Variants in SENP6 observed in about 807,000 individuals in gnomAD.
SENP6 encodes SUMO specific peptidase 6.
SENP6 carries 41 observed loss-of-function variants against 134.5 expected under a neutral mutation model. That is an observed-to-expected ratio of 0.30 (90% CI 0.24 to 0.40). SENP6 has a LOEUF of 0.40. SENP6 is among the 10% of genes least tolerant of loss of function. SENP6 has a pLI of 1.00. For synonymous variants in SENP6, 395 were observed against 429.8 expected, an observed-to-expected ratio of 0.92 and a Z score of 1.00; for missense variants, 1,248 against 1,312.5, an observed-to-expected ratio of 0.95 and a Z score of 0.76.
At chr6:75,619,318 A>C (rs1019456575) in intron 1 of SENP6, among the ~76,000 whole-genome samples, 1 of 152,132 alleles carries the variant, frequency 6.6e-6, no homozygotes, top group Non-Finnish European at 1.5e-5. Context: ...ATATATGTGG[A>C]ATCATACAAT....
rs374087556 is a variant in SENP6 at position 75,601,941 on chromosome 6, C to G, written c.-584C>G. 2 of 152,164 alleles carry G rather than the reference C, an allele frequency of 1.3e-5. No individual in the cohort carries two copies. Among genetic ancestry groups the G allele is most frequent in the East Asian group, 3.9e-4 (2 of 5,174 alleles). The allele number at this position is 152,164 out of a possible 1,614,324, so 9.4% of individuals were successfully genotyped here. On this transcript the variant is annotated 5_prime_UTR_variant, in exon 1 of 24. Coordinates refer to ENST00000447266, the MANE Select transcript of SENP6 (RefSeq NM_015571.4). ...GAGGCGGTGGCAGAGGAGACCCACCCCTGTCCACATGGACAGTCGCAAAGG... is the reference window on the plus strand; with the variant it reads ...GAGGCGGTGGCAGAGGAGACCCACCGCTGTCCACATGGACAGTCGCAAAGG...
intron 7 of SENP6, among the ~76,000 whole-genome samples, chr6:75,654,789 G>A (rs1475678224): frequency 6.6e-6 from 1 of 152,138 alleles, no homozygotes; most frequent in Admixed American, 6.5e-5. Flanking sequence ...TCCTTACCCT[G>A]CTTCTCCCAC....
chr6:75,675,596 C>A, intron 12 of SENP6, 128 bp downstream of exon 12: 1 of 675,880 alleles, frequency 1.5e-6, no homozygotes, highest in Non-Finnish European at 2.5e-6. Context: ...ATCTTCTTAT[C>A]AAAGGGCATA....
At position 75,602,591 on chromosome 6, in the gene SENP6, GC is replaced by G. The variant is rs1252017200; in HGVS notation, c.52+18del. ...TTTTCTGGAAGGTACGTCTGTTTCT[GC>G]CCTTGACGGGGAGAAGGGAGGGTAT... On this transcript the variant is annotated intron_variant, in intron 1 of 23. Transcript: ENST00000447266. 1.9e-6 allele frequency: 3 copies of G among 1,550,606 alleles called. No individual in the cohort carries two copies. The highest frequency in any genetic ancestry group is 2.6e-6 in the Non-Finnish European group (3 of 1,146,182).
intron 18 of SENP6, among the ~76,000 whole-genome samples, chr6:75,701,726 G>A (rs1003796856): frequency 2.4e-5 from 3 of 126,108 alleles, no homozygotes; most frequent in South Asian, 2.7e-4. Flanking sequence ...TGCAACCTCC[G>A]CCTCCCGGGT....
chr6:75,605,569 A>G (rs1766967258), intron 1 of SENP6, among the ~76,000 whole-genome samples: 1 of 152,232 alleles, frequency 6.6e-6, no homozygotes, highest in Non-Finnish European at 1.5e-5. Context: ...CACTTAATTA[A>G]GTAAACACCT....
chr6:75,602,441 TC>T lies in SENP6; in HGVS notation c.-82del. The T allele has an allele frequency of 6.7e-7, 1 of 1,486,222 alleles. No homozygotes were observed. The allele number at this position is 1,486,222 out of a possible 1,614,324, so 92.1% of individuals were successfully genotyped here. ...GCCCGCAACCCTGCGGCGTCTACCCTCCTCCGGCGCGGCCCCTCATCCCGGC... is the reference window on the plus strand; with the variant it reads ...GCCCGCAACCCTGCGGCGTCTACCCTCTCCGGCGCGGCCCCTCATCCCGGC... On this transcript the variant is annotated 5_prime_UTR_variant, in exon 1 of 24. Coordinates refer to ENST00000447266, the MANE Select transcript of SENP6 (RefSeq NM_015571.4).
chr6:75,642,788 G>A (rs1247718533), intron 6 of SENP6, among the ~76,000 whole-genome samples: 1 of 152,218 alleles, frequency 6.6e-6, no homozygotes, highest in East Asian at 1.9e-4. Flanking sequence ...GTTTAAATCA[G>A]TGGCAATCAG....
At chr6:75,617,762 G>A (rs1051224464) in intron 1 of SENP6, among the ~76,000 whole-genome samples, 1 of 152,074 alleles carries the variant, frequency 6.6e-6, no homozygotes, top group South Asian at 2.1e-4. Context: ...TTTCATATTC[G>A]AGAGTCCAAT....
In SENP6 at chr6:75,713,572, T is replaced by G. The variant is rs777831729; in HGVS notation, c.2969T>G (p.Ile990Ser). The change falls in exon 22 of 24, where the codon ATT (isoleucine) becomes AGT (serine). Residue 990 changes from isoleucine (I) to serine (S), a missense_variant. This residue lies in a region of SENP6 where 386 missense variants were observed against 395.0 expected (regional missense o/e 0.98). Transcript: ENST00000447266. Reference protein sequence around the residue: ...RGPSRSNVVKILREYLEVEWE... With the variant: ...RGPSRSNVVKSLREYLEVEWE... ...CCTTCTCGGTCAAATGTTGTCAAAA[T>G]TTTAAGAGAGTAAGTTCACACTTTA... is the stretch of plus-strand genomic sequence containing the variant. 2 of 1,613,656 alleles carry G rather than the reference T, an allele frequency of 1.2e-6. No homozygotes were observed. Among genetic ancestry groups the G allele is most frequent in the Non-Finnish European group, 1.7e-6 (2 of 1,179,662 alleles).
intron 1 of SENP6, among the ~76,000 whole-genome samples, chr6:75,619,893 A>G (rs1768137068): frequency 6.6e-6 from 1 of 152,082 alleles, no homozygotes; most frequent in African/African-American, 2.4e-5. Context: ...GGAGTTCGAG[A>G]CCAGCCTGGG....
chr6:75,639,451 T>G (rs1288096108), intron 5 of SENP6, among the ~76,000 whole-genome samples: 1 of 152,150 alleles, frequency 6.6e-6, no homozygotes, highest in Non-Finnish European at 1.5e-5. Context: ...TTTCTTCATT[T>G]GCTAGGATTA....
In SENP6 at chr6:75,712,735, GA is replaced by G. The variant is rs773110436; in HGVS notation, c.2910-768del. On this transcript the variant is annotated intron_variant, in intron 21 of 23. Coordinates refer to ENST00000447266, the MANE Select transcript of SENP6 (RefSeq NM_015571.4). ...ACAGAGTGTTCTGAAGTGGAATCTT[GA>G]AAAAAAAAAGTTCTAAACTAATTAT... 2.9e-3 allele frequency among the ~76,000 whole-genome samples: 425 copies of G among 148,184 alleles called. 2 individuals carry two copies. The highest frequency in any genetic ancestry group is 0.024 in the East Asian group (124 of 5,102).
Position 75,663,349 on chromosome 6 carries a change from T to C in SENP6, c.825T>C (p.Phe275=), listed in dbSNP as rs1771925845. The C allele has an allele frequency of 6.2e-7, 1 of 1,613,654 alleles. No individual in the cohort carries two copies. The highest frequency in any genetic ancestry group is 8.5e-7 in the Non-Finnish European group (1 of 1,179,866). Reference sequence around the variant, plus strand: ...ACACAGGATTAACAACCAAGAAGTTTTATGGCAACAATGTGGAAAAGGTTC... The same window carrying C: ...ACACAGGATTAACAACCAAGAAGTTCTATGGCAACAATGTGGAAAAGGTTC... ...SQNTGLTTKK[F]YGNNVEKVPI... The change falls in exon 9 of 24, where the codon TTT becomes TTC. Residue 275 remains phenylalanine (F), a synonymous_variant. Coordinates refer to ENST00000447266, the MANE Select transcript of SENP6 (RefSeq NM_015571.4).
At chr6:75,707,355 CTTTTTTTTTTTTTTT>C (rs10564996) in intron 19 of SENP6, among the ~76,000 whole-genome samples, 2 of 74,692 alleles carry the variant, frequency 2.7e-5, no homozygotes, top group South Asian at 5.4e-4. Context: ...TCTTCTTCTT[CTTTTTTTTTTTTTTT>C]TTTTTTTTTT....
At chr6:75,659,000 A>AG (rs56939208) in intron 7 of SENP6, among the ~76,000 whole-genome samples, 2 of 118,720 alleles carry the variant, frequency 1.7e-5, no homozygotes, top group African/African-American at 6.5e-5. Flanking sequence ...AAAAAAAAAA[A>AG]GGGGAATTGT....
Position 75,633,674 on chromosome 6 carries a change from T to G in SENP6, c.301T>G (p.Leu101Val). ...AAACAAGTCTGAAAGTTTTAAAACT[T>G]TGAAAGGCAACCCAATTGGACTTAA... ...RRNKSESFKT[L>V]KGNPIGLNML... The change falls in exon 4 of 24, where the codon TTG becomes GTG. Residue 101 changes from leucine (L) to valine (V), a missense_variant. Physicochemically the swap from Leu to Val is conservative, Grantham distance 32 (BLOSUM62 1). This residue lies in a region of SENP6 where 733 missense variants were observed against 725.4 expected (regional missense o/e 1.01). Transcript: ENST00000447266. 6.2e-7 allele frequency: 1 copy of G among 1,612,632 alleles called. No homozygotes were observed. The highest frequency in any genetic ancestry group is 1.1e-5 in the South Asian group (1 of 90,830).
chr6:75,652,697 A>AAAAAAAAG (rs1562008478), intron 7 of SENP6, among the ~76,000 whole-genome samples: 6 of 147,808 alleles, frequency 4.1e-5, no homozygotes, highest in Admixed American at 6.7e-5. Flanking sequence ...AAAAAAAAAA[A>AAAAAAAAG]AAAAAAGAAA....
intron 19 of SENP6, among the ~76,000 whole-genome samples, chr6:75,705,950 T>TTTTTTTTTTTTTTC (rs1775379131): frequency 8.2e-6 from 1 of 122,136 alleles, no homozygotes. Context: ...TTTTTTTTTT[T>TTTTTTTTTTTTTTC]TTTTGAGATG....
Sources: gnomAD v4.1 joint callset for allele counts (sites outside exome capture counted in the v4.1 genomes callset) on GRCh38, gnomAD v4.1.1 for gene constraint, gnomAD v4.1.1 regional missense constraint, MANE v1.5 for transcripts, NCBI Gene and HGNC (gene_info 2026-07-23, HGNC 2026-07-21) for gene names.